Variants in CRAT observed in about 807,000 individuals in gnomAD.
CRAT encodes carnitine O-acetyltransferase, also known as carnitine acetylase.
A neutral mutation model predicts 73.7 loss-of-function variants in CRAT; 66 were observed. The ratio of observed to expected loss-of-function variants is 0.90; its 90% CI spans 0.73 to 1.10. The LOEUF (loss-of-function observed/expected upper bound fraction) is 1.10, where lower values mean the gene tolerates loss of function less well. Among genes scored for constraint, CRAT ranks in the 50% least tolerant of loss-of-function variants. The probability of loss-of-function intolerance (pLI) is 0.00; values close to 1 mark genes in which losing one functional copy is unlikely to be tolerated. For synonymous variants in CRAT, 321 were observed against 343.2 expected (o/e 0.94, Z 0.71); for missense variants, 745 against 846.9 (o/e 0.88, Z 1.49).
intron 11 of CRAT, 21 bp downstream of exon 11, chr9:129,097,992 C>A (rs756644485): frequency 6.2e-7 from 1 of 1,609,684 alleles, no homozygotes; most frequent in South Asian, 1.1e-5. Context: ...AGCTCACCCA[C>A]CCTCGCCCCA....
At chr9:129,098,500 C>A in intron 9 of CRAT, 31 bp downstream of exon 9, 4 of 1,599,078 alleles carry the variant, frequency 2.5e-6, no homozygotes, top group Non-Finnish European at 3.4e-6. Flanking sequence ...CTCACCCATC[C>A]AGCACAGGGA....
In CRAT at chr9:129,097,295, C is replaced by G; in HGVS notation, c.1482G>C (p.Glu494Asp). ...GGGCCTGCACGGCCTTCCGCAGCAG[C>G]TCCACCTTCTGGTGCTCCTAGAGTG... ...DSSVTEHQKV[E>D]LLRKAVQAHR... The change falls in exon 12 of 14, where the codon GAG becomes GAC. Residue 494 changes from glutamate to aspartate, a missense_variant. By Grantham distance (45) the Glu-to-Asp change is conservative. Coordinates refer to ENST00000318080, the MANE Select transcript of CRAT (RefSeq NM_000755.5). The G allele has an allele frequency of 6.4e-7, 1 of 1,565,998 alleles. No individual in the cohort carries two copies. The highest frequency in any genetic ancestry group is 8.7e-7 in the Non-Finnish European group (1 of 1,155,850).
In CRAT at chr9:129,095,365, C is replaced by CA. The variant is rs770646309; in HGVS notation, c.*31_*32insT. The CA allele has an allele frequency of 1.9e-6, 3 of 1,602,112 alleles. No individual in the cohort carries two copies. The African/African-American group carries it at 4.0e-5, about 21-fold the overall frequency. ...GTGGCCCATCCCAGGGTGGGCTTGG[C>CA]TGTGGCATTGGCAGGCCTGAGTCCT... On this transcript the variant is annotated 3_prime_UTR_variant, in exon 14 of 14. Coordinates refer to ENST00000318080, the MANE Select transcript of CRAT (RefSeq NM_000755.5).
At chr9:129,101,217 T>C (rs1394363772) in intron 6 of CRAT, among the ~76,000 whole-genome samples, 1 of 152,208 alleles carries the variant, frequency 6.6e-6, no homozygotes, top group African/African-American at 2.4e-5. Context: ...CTGCTCCACG[T>C]TGAGAGGATG....
At chr9:129,108,991 C>T in intron 1 of CRAT, 1 of 1,227,756 alleles carries the variant, frequency 8.1e-7, no homozygotes. Flanking sequence ...GTGGCAGTGG[C>T]AGGGGAAGCT....
intron 1 of CRAT, chr9:129,109,359 C>T (rs1231993997): frequency 5.4e-6 from 6 of 1,110,548 alleles, no homozygotes; most frequent in African/African-American, 3.2e-5. Context: ...CTGCCTATTT[C>T]CTGTTTCTCT....
chr9:129,106,393 T>C lies in CRAT; in HGVS notation c.291+1421A>G, dbSNP rs1426304290. Among the ~76,000 whole-genome samples, 5 of 152,088 alleles carry C rather than the reference T, an allele frequency of 3.3e-5. No homozygotes were observed. The highest frequency in any genetic ancestry group is 6.5e-5 in the Admixed American group (1 of 15,274). ...AAACAGCCAGGGGCCTGTACTCCAC[T>C]AGGGATCCCAGAGCCTCTGGCCAAA... On this transcript the variant is annotated intron_variant, in intron 2 of 13. Coordinates refer to ENST00000318080, the MANE Select transcript of CRAT (RefSeq NM_000755.5). This position sits in a 1 kb window ranked among gnomAD's most constrained non-coding sequence, Gnocchi z 4.0.
rs1588461962 is a variant in CRAT at position 129,107,406 on chromosome 9, T to C, written c.291+408A>G. On this transcript the variant is annotated intron_variant, in intron 2 of 13. Coordinates refer to ENST00000318080, the MANE Select transcript of CRAT (RefSeq NM_000755.5). This position sits in a 1 kb window ranked among gnomAD's most constrained non-coding sequence, Gnocchi z 5.0. ...ACACCAAACATTGGTGTAGACATATTTGCCAAACTGGGTACACCTGTGTCA... is the reference window on the plus strand; with the variant it reads ...ACACCAAACATTGGTGTAGACATATCTGCCAAACTGGGTACACCTGTGTCA... 9 of 575,038 alleles carry C rather than the reference T, an allele frequency of 1.6e-5. No individual in the cohort carries two copies. The highest frequency in any genetic ancestry group is 4.5e-4 in the Middle Eastern group (1 of 2,198). The allele number at this position is 575,038 out of a possible 1,614,324, so 35.6% of individuals were successfully genotyped here. A position where few individuals can be genotyped will look rare whatever the true frequency, so the allele number is the denominator to read the frequency against.
At chr9:129,097,892 G>A in intron 11 of CRAT, 121 bp downstream of exon 11, 1 of 1,410,120 alleles carries the variant, frequency 7.1e-7, no homozygotes, top group Non-Finnish European at 9.6e-7. Context: ...GCTTCTGTTA[G>A]ATTCCCCGTG....
In CRAT at chr9:129,102,464, G is replaced by GAAGTTGCTGAAGTTGCTGAAGT; in HGVS notation, c.565_566insACTTCAGCAACTTCAGCAACTT (p.Thr189AsnfsTer32). The GAAGTTGCTGAAGTTGCTGAAGT allele has an allele frequency of 6.2e-7, 1 of 1,614,202 alleles. No homozygotes were observed. Among genetic ancestry groups the GAAGTTGCTGAAGTTGCTGAAGT allele is most frequent in the Non-Finnish European group, 8.5e-7 (1 of 1,180,030 alleles). On this transcript the variant is annotated frameshift_variant, in exon 5 of 14. Transcript: ENST00000318080. LOFTEE classifies it high-confidence loss of function. ...CTTGGTCTTGCTGAAGTTGCTGACT[G>GAAGTTGCTGAAGTTGCTGAAGT]TGTCCTGCTTGGGGCCCGGCACTCG...
chr9:129,100,460 A>G, intron 7 of CRAT, 51 bp downstream of exon 7: 1 of 1,552,528 alleles, frequency 6.4e-7, no homozygotes. Context: ...CCGAGGCTGC[A>G]GAGGTCCTGT....
chr9:129,108,042 C>A lies in CRAT; in HGVS notation c.63G>T (p.Leu21Phe). The change falls in exon 2 of 14, where the codon TTG becomes TTT. Residue 21 changes from leucine to phenylalanine, a missense_variant. Coordinates refer to ENST00000318080, the MANE Select transcript of CRAT (RefSeq NM_000755.5). Reference sequence around the variant, plus strand: ...CCTTGAAGCGGCTGGAAGCCTTCATCAAGGAGAAGGGCTTCAGGAAGCCCA... The same window carrying A: ...CCTTGAAGCGGCTGGAAGCCTTCATAAAGGAGAAGGGCTTCAGGAAGCCCA... Reference protein sequence around the residue: ...KPLGFLKPFSLMKASSRFKAH... With the variant: ...KPLGFLKPFSFMKASSRFKAH... 1 of 1,540,272 alleles carries A rather than the reference C, an allele frequency of 6.5e-7. No homozygotes were observed.
intron 7 of CRAT, 32 bp downstream of exon 7, chr9:129,100,479 G>A (rs754356813): frequency 6.3e-7 from 1 of 1,597,228 alleles, no homozygotes; most frequent in Admixed American, 1.7e-5. Context: ...GTTCAGGTGT[G>A]TGTGAGTGGG....
At chr9:129,099,122 C>T (rs1847490957) in intron 8 of CRAT, among the ~76,000 whole-genome samples, 1 of 151,036 alleles carries the variant, frequency 6.6e-6, no homozygotes, top group African/African-American at 2.4e-5. Flanking sequence ...TTACAGGCAC[C>T]CACCACCACG....
At chr9:129,099,339 G>A (rs1199529936) in intron 8 of CRAT, among the ~76,000 whole-genome samples, 3 of 151,586 alleles carry the variant, frequency 2.0e-5, no homozygotes, top group Non-Finnish European at 4.4e-5. Flanking sequence ...TCACCATGTT[G>A]GCCAGGCTGG....
At chr9:129,098,839 A>C (rs59221517) in intron 8 of CRAT, among the ~76,000 whole-genome samples, 189 bp from the exon 9 acceptor site, 88,576 of 142,046 alleles carry the variant, frequency 0.62, 28,933 homozygotes, top group Non-Finnish European at 0.72. Context: ...TTTTAGATGG[A>C]GTCTTGCTCT....
chr9:129,096,158 A>G (rs1847271280), intron 12 of CRAT, 23 bp from the exon 13 acceptor site: 3 of 1,611,258 alleles, frequency 1.9e-6, no homozygotes, highest in Non-Finnish European at 2.5e-6. Context: ...GAGAGCTGTC[A>G]GGAGCAGGGG....
chr9:129,097,322 T>G lies in CRAT; in HGVS notation c.1465-10A>C. The G allele has an allele frequency of 6.4e-7, 1 of 1,561,502 alleles. No homozygotes were observed. Among genetic ancestry groups the G allele is most frequent in the Non-Finnish European group, 8.7e-7 (1 of 1,153,148 alleles). On this transcript the variant is annotated splice_polypyrimidine_tract_variant and intron_variant, in intron 11 of 13. Transcript: ENST00000318080. ...CCACCTTCTGGTGCTCCTAGAGTGG[T>G]GAGGGTCAGAGGGAGCTGAAGCACT... is the stretch of plus-strand genomic sequence containing the variant.
rs1437033831 is a variant in CRAT, at chr9:129,109,173, A to C, written c.28-1096T>G. ...GAGTCAGGACAAAAGGTAATAAAAAATCCACCTGTCAGAATCTGCGAAGAT... is the reference window on the plus strand; with the variant it reads ...GAGTCAGGACAAAAGGTAATAAAAACTCCACCTGTCAGAATCTGCGAAGAT... On this transcript the variant is annotated intron_variant, in intron 1 of 13. Transcript: ENST00000318080. The C allele has an allele frequency of 8.4e-6, 11 of 1,304,056 alleles. No individual in the cohort carries two copies. The Admixed American group carries it at 9.2e-5, about 11-fold the overall frequency. 80.8% of individuals were successfully genotyped at this position (1,304,056 alleles called of 1,614,324 possible). A position where few individuals can be genotyped will look rare whatever the true frequency, so the allele number is the denominator to read the frequency against.
Sources: allele counts gnomAD v4.1 joint callset (sites outside exome capture counted in the v4.1 genomes callset), GRCh38; gene constraint gnomAD v4.1.1; non-coding constraint Gnocchi (gnomAD v3.1); transcripts MANE v1.5; gene names NCBI Gene and HGNC (gene_info 2026-07-23, HGNC 2026-07-21).